Variants in PHACTR1 observed in about 807,000 individuals in gnomAD.
PHACTR1 encodes the protein RPEL repeat containing 1.
Under a neutral mutation model 69.2 loss-of-function variants are expected in PHACTR1, and 16 were observed. The observed-to-expected ratio is 0.23, with a 90% CI of 0.16 to 0.35. The LOEUF (loss-of-function observed/expected upper bound fraction) is 0.35, where lower values mean the gene tolerates loss of function less well. Among genes scored for constraint, PHACTR1 ranks in the 10% least tolerant of loss-of-function variants. The pLI is 1.00. For synonymous variants in PHACTR1, 312 were observed against 284.5 expected (o/e 1.10, Z -0.97); for missense variants, 510 against 734.7 (o/e 0.69, Z 3.54).
intron 4 of PHACTR1, among the ~76,000 whole-genome samples, chr6:12,928,801 G>T (rs9296526): frequency 0.19 from 29,254 of 152,072 alleles, 6,735 homozygotes; most frequent in African/African-American, 0.55. Flanking sequence ...GGGTGTTTGA[G>T]TCTATAACAA....
intron 10 of PHACTR1, among the ~76,000 whole-genome samples, chr6:13,238,721 G>A (rs1772373669): frequency 6.6e-6 from 1 of 152,176 alleles, no homozygotes; most frequent in African/African-American, 2.4e-5. Context: ...TAGCTCCAAA[G>A]TGCCAAATAG....
chr6:13,191,602 C>G (rs1763612037), intron 7 of PHACTR1, among the ~76,000 whole-genome samples: 1 of 152,102 alleles, frequency 6.6e-6, no homozygotes, highest in Non-Finnish European at 1.5e-5. Flanking sequence ...ATGATTAAGG[C>G]AGAGGAATAA....
In PHACTR1 at chr6:13,080,173, T is replaced by G. The variant is rs899323113; in HGVS notation, c.415+26644T>G. Among the ~76,000 whole-genome samples, 20 of 152,194 alleles carry G rather than the reference T, an allele frequency of 1.3e-4. No individual in the cohort carries two copies. In the East Asian group the frequency reaches 3.3e-3, roughly 25 times the overall value. ...GGATGTCTCTGAACTTCACTGCCCC[T>G]CCTTTCCACCTGACCCCTGACCCCC... On this transcript the variant is annotated intron_variant, in intron 5 of 14. Coordinates refer to ENST00000332995, the MANE Select transcript of PHACTR1 (RefSeq NM_030948.6).
At chr6:13,108,760 G>A (rs537140550) in intron 5 of PHACTR1, among the ~76,000 whole-genome samples, 32 of 151,702 alleles carry the variant, frequency 2.1e-4, no homozygotes, top group Non-Finnish European at 3.7e-4. Context: ...ATTATGTTTG[G>A]TTTCCAATAG....
At chr6:13,206,598 G>A (rs1465766722) in intron 8 of PHACTR1, among the ~76,000 whole-genome samples, 1 of 152,174 alleles carries the variant, frequency 6.6e-6, no homozygotes, top group Non-Finnish European at 1.5e-5. Flanking sequence ...ATAAATGTGA[G>A]CTGTACATAC....
intron 4 of PHACTR1, among the ~76,000 whole-genome samples, chr6:12,781,938 C>T (rs1056902864): frequency 6.6e-6 from 1 of 152,190 alleles, no homozygotes; most frequent in Non-Finnish European, 1.5e-5. Flanking sequence ...ATCTCTGTCA[C>T]TCAAACGATG....
Position 13,116,164 on chromosome 6 carries a change from A to T in PHACTR1, c.416-44040A>T, listed in dbSNP as rs188204886. Among the ~76,000 whole-genome samples, 336 of 152,332 alleles carry T rather than the reference A, an allele frequency of 2.2e-3. 4 individuals carry two copies. Among genetic ancestry groups the T allele is most frequent in the South Asian group, 0.018 (85 of 4,830 alleles). On this transcript the variant is annotated intron_variant, in intron 5 of 14. Coordinates refer to ENST00000332995, the MANE Select transcript of PHACTR1 (RefSeq NM_030948.6). ...CATTATGGCTCCAGTTCTCGTGGACACTATTGAGGAGGCTACCAATAGGCA... is the reference window on the plus strand; with the variant it reads ...CATTATGGCTCCAGTTCTCGTGGACTCTATTGAGGAGGCTACCAATAGGCA...
chr6:12,918,044 ACAG>A (rs1259746944), intron 4 of PHACTR1, among the ~76,000 whole-genome samples: 1 of 152,232 alleles, frequency 6.6e-6, no homozygotes, highest in African/African-American at 2.4e-5. Context: ...TACAATGACA[ACAG>A]GAATGGCGTG....
At chr6:12,921,791 G>T (rs1440726322) in intron 4 of PHACTR1, among the ~76,000 whole-genome samples, 1 of 137,476 alleles carries the variant, frequency 7.3e-6, no homozygotes, top group Admixed American at 7.2e-5. Context: ...AGGGAGGGAG[G>T]GAAGAAGGAA....
chr6:12,792,582 A>G (rs1223934611), intron 4 of PHACTR1, among the ~76,000 whole-genome samples: 1 of 151,920 alleles, frequency 6.6e-6, no homozygotes, highest in Non-Finnish European at 1.5e-5. Flanking sequence ...AGACCTCACA[A>G]TCATGCCCAT....
intron 3 of PHACTR1, 28 bp downstream of exon 3, chr6:12,718,875 C>A: frequency 1.4e-6 from 2 of 1,415,936 alleles, no homozygotes; most frequent in Non-Finnish European, 9.7e-7. Context: ...AGAAATTCCT[C>A]TTATTTGCAC....
rs79323775 is a variant in PHACTR1 at position 12,915,997 on chromosome 6, G to A, written c.251-137368G>A. 9.2e-3 allele frequency among the ~76,000 whole-genome samples: 1,396 copies of A among 152,230 alleles called. 38 individuals carry two copies. The South Asian group carries it at 0.11, about 12-fold the overall frequency. ...CCTCTGGTACCTGATCAGCTAGTGCGAGATGTTAATACCAGGCAAAACTGT... is the reference window on the plus strand; with the variant it reads ...CCTCTGGTACCTGATCAGCTAGTGCAAGATGTTAATACCAGGCAAAACTGT... On this transcript the variant is annotated intron_variant, in intron 4 of 14. Transcript: ENST00000332995.
intron 4 of PHACTR1, among the ~76,000 whole-genome samples, chr6:12,789,996 C>G (rs1041181933): frequency 6.9e-6 from 1 of 145,974 alleles, no homozygotes; most frequent in African/African-American, 2.5e-5. Context: ...TTTCCAGTTT[C>G]TGACCACATC....
chr6:12,859,786 C>T (rs759336729), intron 4 of PHACTR1, among the ~76,000 whole-genome samples: 10 of 152,228 alleles, frequency 6.6e-5, no homozygotes, highest in Admixed American at 2.0e-4. Flanking sequence ...CCAGTGTGTT[C>T]AACATCATTA....
intron 5 of PHACTR1, among the ~76,000 whole-genome samples, chr6:13,081,367 C>G (rs111492505): frequency 6.6e-6 from 1 of 152,206 alleles, no homozygotes; most frequent in East Asian, 1.9e-4. Flanking sequence ...AGAAACAGGT[C>G]AAATTTTATG....
At chr6:12,828,080 G>C (rs1280870854) in intron 4 of PHACTR1, among the ~76,000 whole-genome samples, 1 of 152,186 alleles carries the variant, frequency 6.6e-6, no homozygotes, top group Non-Finnish European at 1.5e-5. Context: ...TGTGGGCTTT[G>C]ATTACCTACC....
At chr6:13,238,216 C>T (rs939903308) in intron 10 of PHACTR1, among the ~76,000 whole-genome samples, 6 of 152,152 alleles carry the variant, frequency 3.9e-5, no homozygotes, top group Non-Finnish European at 8.8e-5. Flanking sequence ...CACCTAGTGA[C>T]GCTGATAGCT....
chr6:13,176,274 C>T (rs1277169331), intron 6 of PHACTR1, among the ~76,000 whole-genome samples: 4 of 152,170 alleles, frequency 2.6e-5, no homozygotes, highest in Non-Finnish European at 5.9e-5. Flanking sequence ...CTTTGCCAAC[C>T]TGCACTCATA....
At chr6:13,185,681 G>C (rs1383909861) in intron 7 of PHACTR1, among the ~76,000 whole-genome samples, 1 of 152,188 alleles carries the variant, frequency 6.6e-6, no homozygotes, top group East Asian at 1.9e-4. Context: ...CTTTGTGATT[G>C]AAGGCTGTGG....
Sources: allele counts gnomAD v4.1 joint callset (sites outside exome capture counted in the v4.1 genomes callset), GRCh38; gene constraint gnomAD v4.1.1; transcripts MANE v1.5; gene names NCBI Gene and HGNC (gene_info 2026-07-23, HGNC 2026-07-21).